CFAP92: variants seen among roughly 807,000 people sequenced by gnomAD.
The protein encoded by CFAP92 is uncharacterized protein CFAP92.
In CFAP92, 86 loss-of-function variants were observed where a neutral mutation model predicts 106.3. The observed-to-expected ratio is 0.81, with a 90% CI of 0.68 to 0.97. CFAP92 has a LOEUF of 0.97. Ranked by LOEUF, CFAP92 falls within the 50% of genes least tolerant of loss-of-function variation. The pLI is 0.00. For missense variants in CFAP92, 1,204 were observed against 1,283.8 expected (o/e 0.94, Z 0.95); for synonymous variants, 477 against 506.4 (o/e 0.94, Z 0.78).
At chr3:129,008,347 C>T in the CFAP92 span, among the ~76,000 whole-genome samples, 1 of 152,230 alleles carries the variant, frequency 6.6e-6, no homozygotes, top group African/African-American at 2.4e-5. Flanking sequence ...CGTTTCAGCT[C>T]CATCTCCTGC....
At chr3:129,000,221 A>T (rs1171531653) in intron 1 of CFAP92, among the ~76,000 whole-genome samples, 8 of 152,222 alleles carry the variant, frequency 5.3e-5, no homozygotes, top group Admixed American at 5.2e-4. Flanking sequence ...ACTTTGTCAA[A>T]TTGCCATTAC....
At chr3:128,952,596 T>A (rs960501464) in intron 9 of CFAP92, among the ~76,000 whole-genome samples, 3 of 151,904 alleles carry the variant, frequency 2.0e-5, no homozygotes, top group African/African-American at 7.3e-5. Context: ...AATGAAAAAA[T>A]TAGTTGCTCA....
Position 128,984,571 on chromosome 3 carries a change from G to A in CFAP92, c.667+3045C>T, listed in dbSNP as rs767953656. ...GTCACAGACTGAAGGCTGCACTGTC[G>A]GCCTCCCTATTTTTGAGGTTTTGGG... is the stretch of plus-strand genomic sequence containing the variant. On this transcript the variant is annotated intron_variant, in intron 4 of 15. Coordinates refer to ENST00000645291, the MANE Select transcript of CFAP92 (RefSeq NM_001394090.1). Among the ~76,000 whole-genome samples the A allele has an allele frequency of 6.6e-5, 10 of 152,234 alleles. No individual in the cohort carries two copies. The East Asian group carries it at 9.6e-4, about 15-fold the overall frequency.
At chr3:128,937,465 T>G (rs935356732) in intron 10 of CFAP92, among the ~76,000 whole-genome samples, 4 of 151,850 alleles carry the variant, frequency 2.6e-5, no homozygotes, top group African/African-American at 9.7e-5. Context: ...CTGGGCGCAG[T>G]GGCGGGTGCC....
chr3:128,965,535 C>A lies in CFAP92; in HGVS notation c.1329G>T (p.Gln443His). 2.5e-6 allele frequency: 1 copy of A among 398,758 alleles called. No homozygotes were observed. Among genetic ancestry groups the A allele is most frequent in the East Asian group, 3.6e-5 (1 of 28,082 alleles). The allele number at this position is 398,758 out of a possible 1,614,324, so 24.7% of individuals were successfully genotyped here. ...KIKCASCLPS[Q>H]PVPIQELERL... ...CCTCTAGTTCCTGAATGGGTACAGG[C>A]TGTGATGGAAGGCAGGAAGCACACT... The change falls in exon 9 of 16, where the codon CAG becomes CAT. Residue 443 changes from glutamine (Q) to histidine (H), a missense_variant. Coordinates refer to ENST00000645291, the MANE Select transcript of CFAP92 (RefSeq NM_001394090.1).
Position 128,973,546 on chromosome 3 carries a change from C to T in CFAP92, c.1022-2113G>A, listed in dbSNP as rs548234590. ...TAGCACATGCCTGTAACCCCAGCTA[C>T]TCGGGAGGCTGAGGTAGGAGAATTG... On this transcript the variant is annotated intron_variant, in intron 7 of 15. Coordinates refer to ENST00000645291, the MANE Select transcript of CFAP92 (RefSeq NM_001394090.1). Among the ~76,000 whole-genome samples, 160 of 152,080 alleles carry T rather than the reference C, an allele frequency of 1.1e-3. 1 individual carries two copies. The highest frequency in any genetic ancestry group is 3.8e-3 in the African/African-American group (157 of 41,464).
chr3:128,960,709 G>A (rs999188869), intron 9 of CFAP92, among the ~76,000 whole-genome samples: 3 of 152,118 alleles, frequency 2.0e-5, no homozygotes, highest in Admixed American at 2.0e-4. Context: ...GGCTAGTCCC[G>A]CTTTTCTGGG....
At chr3:129,002,576 C>G in exon 1 of CFAP92, 2 of 627,334 alleles carry the variant, frequency 3.2e-6, no homozygotes, top group Non-Finnish European at 4.9e-6. Context: ...AACCATACCC[C>G]ACTTTTCTGC....
At chr3:128,971,619 G>A (rs1324605985) in intron 7 of CFAP92, among the ~76,000 whole-genome samples, 186 bp from the exon 8 acceptor site, 1 of 152,116 alleles carries the variant, frequency 6.6e-6, no homozygotes, top group Non-Finnish European at 1.5e-5. Flanking sequence ...TGGCAGGCCC[G>A]TTGCCAGTTA....
intron 7 of CFAP92, among the ~76,000 whole-genome samples, chr3:128,973,152 C>G (rs1039336880): frequency 9.9e-5 from 15 of 152,150 alleles, no homozygotes; most frequent in Non-Finnish European, 2.1e-4. Context: ...TACAATTATC[C>G]AGATGTAAAC....
chr3:129,012,867 G>T, the CFAP92 span, among the ~76,000 whole-genome samples: 1 of 152,238 alleles, frequency 6.6e-6, no homozygotes, highest in Non-Finnish European at 1.5e-5. Flanking sequence ...GAAGGTGGAA[G>T]AGCGGGCATT....
intron 4 of CFAP92, among the ~76,000 whole-genome samples, chr3:128,985,644 C>T (rs1049389129): frequency 6.6e-6 from 1 of 152,222 alleles, no homozygotes; most frequent in Non-Finnish European, 1.5e-5. Flanking sequence ...AGGGCAGATA[C>T]TAACCAGAAA....
rs181333911 is a variant in CFAP92 at position 128,913,538 on chromosome 3, G to C, written c.3280+1581C>G. ...TTAAGCTTTGATGTGGTCCTTGGGT[G>C]GTCTGGAGCTCTAAAATGCCTATTG... On this transcript the variant is annotated intron_variant, in intron 15 of 15. Coordinates refer to ENST00000645291, the MANE Select transcript of CFAP92 (RefSeq NM_001394090.1). 2.0e-5 allele frequency among the ~76,000 whole-genome samples: 3 copies of C among 152,144 alleles called. No homozygotes were observed. The East Asian group carries it at 5.8e-4, about 29-fold the overall frequency.
intron 4 of CFAP92, among the ~76,000 whole-genome samples, chr3:128,983,653 G>A (rs1943664005): frequency 6.6e-6 from 1 of 152,182 alleles, no homozygotes; most frequent in Non-Finnish European, 1.5e-5. Flanking sequence ...AGGTGAAATT[G>A]GATTCAGTGT....
At chr3:129,014,905 C>G in the CFAP92 span, among the ~76,000 whole-genome samples, 3 of 152,110 alleles carry the variant, frequency 2.0e-5, no homozygotes, top group African/African-American at 4.8e-5. The surrounding 1 kb of genome is among the most constrained non-coding windows in gnomAD (Gnocchi z 4.3). Context: ...CCTGTACACA[C>G]GGAGTCCTGC....
chr3:128,922,785 G>C (rs1319850081), intron 12 of CFAP92, among the ~76,000 whole-genome samples: 3 of 152,194 alleles, frequency 2.0e-5, no homozygotes, highest in Admixed American at 2.0e-4. Context: ...CAATTTATGA[G>C]GTAGAGACTT....
chr3:128,981,982 A>C (rs1272926406), intron 4 of CFAP92, among the ~76,000 whole-genome samples: 5 of 152,212 alleles, frequency 3.3e-5, no homozygotes, highest in Non-Finnish European at 7.3e-5. Context: ...AGGCAGACTT[A>C]GCATCATTCT....
At chr3:129,022,032 G>A in the CFAP92 span, among the ~76,000 whole-genome samples, 3 of 152,202 alleles carry the variant, frequency 2.0e-5, no homozygotes, top group Non-Finnish European at 4.4e-5. Context: ...GGCAGGCGCA[G>A]AGCTCTGCTC....
intron 15 of CFAP92, chr3:128,912,876 G>A (rs750046428): frequency 1.6e-6 from 1 of 614,080 alleles, no homozygotes; most frequent in South Asian, 1.4e-5. Flanking sequence ...CGGGTATTCT[G>A]GTCATTGAGG....
Sources: allele counts gnomAD v4.1 joint callset (sites outside exome capture counted in the v4.1 genomes callset), GRCh38; gene constraint gnomAD v4.1.1; non-coding constraint Gnocchi (gnomAD v3.1); transcripts MANE v1.5; gene names NCBI Gene and HGNC (gene_info 2026-07-23, HGNC 2026-07-21).